ABRACL: variants seen among roughly 807,000 people sequenced by gnomAD.
The protein encoded by ABRACL is ABRA C-terminal like, also known as costars family protein ABRACL.
ABRACL carries 4 observed loss-of-function variants against 7.0 expected under a neutral mutation model. The ratio of observed to expected loss-of-function variants is 0.57; its 90% CI spans 0.28 to 1.30. ABRACL has a LOEUF of 1.30. ABRACL is among the 50% of genes most tolerant of loss of function. The pLI is 0.10. For missense variants in ABRACL, 104 were observed against 97.3 expected, an observed-to-expected ratio of 1.07 and a Z score of -0.29; for synonymous variants, 30 against 36.0, an observed-to-expected ratio of 0.83 and a Z score of 0.60.
rs1246123671 is a variant in ABRACL, at chr6:139,042,908, GT to G, written c.*8del. ...ATTATATTACTGCAAGATTAATGTGGTTTACATATCTTTATGTACTGCCATT... is the reference window on the plus strand; with the variant it reads ...ATTATATTACTGCAAGATTAATGTGGTTACATATCTTTATGTACTGCCATT... On this transcript the variant is annotated 3_prime_UTR_variant, in exon 3 of 3. Coordinates refer to ENST00000367660, the MANE Select transcript of ABRACL (RefSeq NM_021243.3). 1.9e-6 allele frequency: 3 copies of G among 1,597,538 alleles called. No individual in the cohort carries two copies. Among genetic ancestry groups the G allele is most frequent in the Admixed American group, 3.5e-5 (2 of 57,142 alleles).
intron 2 of ABRACL, among the ~76,000 whole-genome samples, chr6:139,038,971 C>T (rs1029273326): frequency 6.6e-6 from 1 of 152,208 alleles, no homozygotes; most frequent in African/African-American, 2.4e-5. Flanking sequence ...TGCCTATAAT[C>T]CCAGCACTTT....
intron 2 of ABRACL, among the ~76,000 whole-genome samples, chr6:139,036,537 C>CT (rs1231681999): frequency 6.6e-6 from 1 of 152,122 alleles, no homozygotes; most frequent in Non-Finnish European, 1.5e-5. Context: ...GGTATGGACT[C>CT]TAAGTCCATA....
At chr6:139,032,491 T>C (rs1452346784) in intron 1 of ABRACL, among the ~76,000 whole-genome samples, 1 of 152,228 alleles carries the variant, frequency 6.6e-6, no homozygotes, top group African/African-American at 2.4e-5. Flanking sequence ...AATTATAATA[T>C]TCGCACAAGC....
intron 2 of ABRACL, among the ~76,000 whole-genome samples, chr6:139,040,864 TC>T (rs35150393): frequency 6.6e-6 from 1 of 152,186 alleles, no homozygotes; most frequent in African/African-American, 2.4e-5. Context: ...TGGCACACTC[TC>T]CCCATTTGTC....
intron 1 of ABRACL, among the ~76,000 whole-genome samples, chr6:139,033,720 A>G (rs1235842123): frequency 6.6e-6 from 1 of 152,150 alleles, no homozygotes; most frequent in Non-Finnish European, 1.5e-5. Context: ...CCACTCAAAG[A>G]GTATTCGTCT....
chr6:139,029,739 C>G (rs1415811178), intron 1 of ABRACL, among the ~76,000 whole-genome samples: 1 of 152,110 alleles, frequency 6.6e-6, no homozygotes. Context: ...CCCTTTGACC[C>G]GCACCAGCTG....
At chr6:139,039,379 A>G (rs370125382) in intron 2 of ABRACL, among the ~76,000 whole-genome samples, 22 of 152,366 alleles carry the variant, frequency 1.4e-4, no homozygotes, top group Non-Finnish European at 7.3e-5. Flanking sequence ...GTGAATTTTA[A>G]TGACTGTAAA....
chr6:139,042,832 G>A lies in ABRACL; in HGVS notation c.175G>A (p.Val59Ile). 6.2e-7 allele frequency: 1 copy of A among 1,614,064 alleles called. No individual in the cohort carries two copies. Among genetic ancestry groups the A allele is most frequent in the South Asian group, 1.1e-5 (1 of 91,070 alleles). The change falls in exon 3 of 3, where the codon GTA becomes ATA. Residue 59 changes from valine to isoleucine, a missense_variant. Val to Ile is a conservative substitution (Grantham distance 29). Coordinates refer to ENST00000367660, the MANE Select transcript of ABRACL (RefSeq NM_021243.3). ...TAAAGCTGCAAAACGAAGGAAGATT[G>A]TAACATATCCAGGAGAGCTGCTTCT... is the stretch of plus-strand genomic sequence containing the variant. ...TLKAAKRRKIVTYPGELLLQG... is the reference protein window; with the variant it reads ...TLKAAKRRKIITYPGELLLQG...
chr6:139,033,681 C>G (rs1245032325), intron 1 of ABRACL, among the ~76,000 whole-genome samples: 1 of 152,216 alleles, frequency 6.6e-6, no homozygotes, highest in African/African-American at 2.4e-5. Flanking sequence ...GCTGCTTCCT[C>G]CTTTGTGCTT....
chr6:139,041,448 TC>T (rs1786244499), intron 2 of ABRACL, among the ~76,000 whole-genome samples: 1 of 67,206 alleles, frequency 1.5e-5, no homozygotes, highest in African/African-American at 4.1e-5. Flanking sequence ...TCTCTCTCTC[TC>T]TCTATATATA....
At chr6:139,030,341 T>G (rs1366201507) in intron 1 of ABRACL, among the ~76,000 whole-genome samples, 2 of 152,202 alleles carry the variant, frequency 1.3e-5, no homozygotes, top group Non-Finnish European at 2.9e-5. Flanking sequence ...TAATGTGAAC[T>G]ATAGTCACCC....
intron 2 of ABRACL, among the ~76,000 whole-genome samples, chr6:139,039,206 C>A (rs1786207781): frequency 6.7e-6 from 1 of 149,130 alleles, no homozygotes; most frequent in Non-Finnish European, 1.5e-5. Flanking sequence ...GCCTGGGCAA[C>A]AAGAAGGAAA....
At chr6:139,032,811 T>A (rs924288971) in intron 1 of ABRACL, among the ~76,000 whole-genome samples, 9 of 152,226 alleles carry the variant, frequency 5.9e-5, no homozygotes, top group African/African-American at 2.2e-4. Context: ...CAGGTGTACT[T>A]CCAATCCCTC....
At chr6:139,039,397 G>T (rs536408547) in intron 2 of ABRACL, among the ~76,000 whole-genome samples, 2 of 151,984 alleles carry the variant, frequency 1.3e-5, no homozygotes, top group East Asian at 1.9e-4. Flanking sequence ...AAAATACATC[G>T]AACAGTTCTG....
At chr6:139,038,411 A>G (rs1182199781) in intron 2 of ABRACL, among the ~76,000 whole-genome samples, 1 of 152,246 alleles carries the variant, frequency 6.6e-6, no homozygotes, top group African/African-American at 2.4e-5. Context: ...GAAAGCATAT[A>G]TAGATATGTG....
chr6:139,034,017 A>G (rs551246272), intron 1 of ABRACL, 138 bp from the exon 2 acceptor site: 1 of 1,203,006 alleles, frequency 8.3e-7, no homozygotes, highest in Admixed American at 2.3e-5. Flanking sequence ...CATGCATCAC[A>G]CAAATATTTT....
intron 1 of ABRACL, among the ~76,000 whole-genome samples, chr6:139,030,163 T>C (rs955412030): frequency 1.6e-5 from 2 of 127,992 alleles, no homozygotes; most frequent in African/African-American, 8.9e-5. Flanking sequence ...TGTTCTTTTC[T>C]TTTTTTTTTT....
chr6:139,040,427 T>C (rs1205764370), intron 2 of ABRACL, among the ~76,000 whole-genome samples: 2 of 152,224 alleles, frequency 1.3e-5, no homozygotes, highest in African/African-American at 2.4e-5. Flanking sequence ...CAGGTTTCTG[T>C]CTTTGGTGCC....
At chr6:139,033,967 GT>G (rs1418387841) in intron 1 of ABRACL, among the ~76,000 whole-genome samples, 187 bp from the exon 2 acceptor site, 7 of 152,138 alleles carry the variant, frequency 4.6e-5, no homozygotes, top group Non-Finnish European at 8.8e-5. Context: ...TGAGGGGGCG[GT>G]TACAAAGGTA....
Sources: allele counts gnomAD v4.1 joint callset (sites outside exome capture counted in the v4.1 genomes callset), GRCh38; gene constraint gnomAD v4.1.1; transcripts MANE v1.5; gene names NCBI Gene and HGNC (gene_info 2026-07-23, HGNC 2026-07-21).